SVIL: variants seen among roughly 807,000 people sequenced by gnomAD.
SVIL encodes supervillin, also known as archvillin.
Under a neutral mutation model 240.4 loss-of-function variants are expected in SVIL, and 101 were observed. The ratio of observed to expected loss-of-function variants is 0.42; its 90% CI spans 0.36 to 0.50. The LOEUF is 0.50. Ranked by LOEUF, SVIL falls within the 20% of genes least tolerant of loss-of-function variation. SVIL has a pLI of 0.01. For missense variants in SVIL, 2,512 were observed against 2,818.7 expected, an observed-to-expected ratio of 0.89 and a Z score of 2.46; for synonymous variants, 999 against 1,100.0, an observed-to-expected ratio of 0.91 and a Z score of 1.82.
intron 1 of SVIL, among the ~76,000 whole-genome samples, chr10:29,620,242 A>G (rs937856866): frequency 1.3e-5 from 2 of 152,090 alleles, no homozygotes; most frequent in Non-Finnish European, 2.9e-5. Flanking sequence ...AAACAGAAAG[A>G]GAATAAGAGA....
At chr10:29,478,661 AG>A (rs1178517318) in intron 29 of SVIL, among the ~76,000 whole-genome samples, 1 of 152,002 alleles carries the variant, frequency 6.6e-6, no homozygotes, top group Admixed American at 6.5e-5. Flanking sequence ...TAAGTAGATG[AG>A]GAATGCTGCT....
At chr10:29,582,350 T>C (rs1374814946) in intron 1 of SVIL, among the ~76,000 whole-genome samples, 5 of 152,132 alleles carry the variant, frequency 3.3e-5, no homozygotes, top group East Asian at 1.9e-4. Context: ...GCCCACCACT[T>C]GCCAGAGGCC....
intron 1 of SVIL, among the ~76,000 whole-genome samples, chr10:29,695,026 G>A (rs1961819346): frequency 6.6e-6 from 1 of 152,040 alleles, no homozygotes; most frequent in Non-Finnish European, 1.5e-5. Context: ...GCAGAAATTC[G>A]GCAATTCTAG....
chr10:29,475,509 G>A (rs891392719), intron 29 of SVIL: 1 of 152,208 alleles, frequency 6.6e-6, no homozygotes, highest in Admixed American at 6.5e-5. Flanking sequence ...ACAAAGAGAC[G>A]AGCAAGACAA....
Position 29,471,167 on chromosome 10 carries a change from C to T in SVIL, c.5606G>A (p.Arg1869Lys). ...CACATTTTCTTCTTCCTCTTCCCGC[C>T]TCCCCGAGTGCACCACCATCCCCCC... ...FQGGMVVHSG[R>K]REEEEENVQS... The change falls in exon 31 of 38, where the codon AGG (arginine) becomes AAG (lysine). Residue 1869 changes from arginine (R) to lysine (K), a missense_variant. Physicochemically the swap from Arg to Lys is conservative, Grantham distance 26. Coordinates refer to ENST00000355867, the MANE Select transcript of SVIL (RefSeq NM_021738.3). 1 of 1,613,968 alleles carries T rather than the reference C, an allele frequency of 6.2e-7. No homozygotes were observed. The highest frequency in any genetic ancestry group is 1.7e-5 in the Admixed American group (1 of 59,984).
intron 1 of SVIL, among the ~76,000 whole-genome samples, chr10:29,632,692 A>C (rs774347451): frequency 2.0e-4 from 30 of 152,186 alleles, no homozygotes; most frequent in Non-Finnish European, 4.0e-4. Flanking sequence ...GCATTAACCA[A>C]ATTTCACTTG....
chr10:29,542,276 C>T (rs1472476571), intron 6 of SVIL, among the ~76,000 whole-genome samples: 1 of 152,184 alleles, frequency 6.6e-6, no homozygotes, highest in Non-Finnish European at 1.5e-5. Context: ...TTCTAGGTCA[C>T]TTGAAATTGT....
chr10:29,520,772 C>T (rs1398151887), intron 16 of SVIL, among the ~76,000 whole-genome samples: 1 of 151,982 alleles, frequency 6.6e-6, no homozygotes, highest in Non-Finnish European at 1.5e-5. Flanking sequence ...AAAAATTAGC[C>T]AGGCATGGTG....
intron 1 of SVIL, among the ~76,000 whole-genome samples, chr10:29,603,728 C>T (rs1352711755): frequency 6.6e-6 from 1 of 152,166 alleles, no homozygotes; most frequent in Non-Finnish European, 1.5e-5. Flanking sequence ...GCCGGCCAGA[C>T]TACATTCTGA....
chr10:29,508,570 G>T, intron 17 of SVIL: 1 of 382,188 alleles, frequency 2.6e-6, no homozygotes, highest in Non-Finnish European at 5.2e-6. Flanking sequence ...ATGATCATCT[G>T]GAGTTTAGAG....
rs1045103358 is a variant in SVIL, at chr10:29,579,627, G to A, written c.-200-10315C>T. Among the ~76,000 whole-genome samples, 16 of 152,266 alleles carry A rather than the reference G, an allele frequency of 1.1e-4. No individual in the cohort carries two copies. The East Asian group carries it at 1.5e-3, about 15-fold the overall frequency. On this transcript the variant is annotated intron_variant, in intron 1 of 37. Transcript: ENST00000355867. ...ATTAAACCTTCAGGGACTGTGTAGC[G>A]CAGGTCACAGCGGCAGCTCAGACTT...
At chr10:29,506,264 C>T (rs534607913) in intron 17 of SVIL, among the ~76,000 whole-genome samples, 69 of 152,076 alleles carry the variant, frequency 4.5e-4, no homozygotes, top group African/African-American at 1.6e-3. Flanking sequence ...TTCCCCCGTT[C>T]GTGATGGAAT....
intron 5 of SVIL, among the ~76,000 whole-genome samples, chr10:29,553,105 C>T (rs986330026): frequency 5.4e-5 from 8 of 147,656 alleles, no homozygotes; most frequent in South Asian, 2.2e-4. Flanking sequence ...GGTGTTGAGC[C>T]ACCAAGCCCA....
Position 29,735,220 on chromosome 10 carries a change from C to A in SVIL, c.-400+531G>T, listed in dbSNP as rs1964829442. On this transcript the variant is annotated intron_variant, in intron 1 of 35. Coordinates refer to the SVIL transcript ENST00000375400. The surrounding 1 kb of genome is among the most constrained non-coding windows in gnomAD (Gnocchi z 4.1). ...ACCACGCATCGGGTTCAAACCCGCG[C>A]GGGCCCTGCGGAGGCGCCGGTCTGG... 6.6e-6 allele frequency among the ~76,000 whole-genome samples: 1 copy of A among 152,146 alleles called. No individual in the cohort carries two copies. The highest frequency in any genetic ancestry group is 2.1e-4 in the South Asian group (1 of 4,836).
intron 3 of SVIL, among the ~76,000 whole-genome samples, chr10:29,655,571 A>G (rs1319712010): frequency 6.6e-6 from 1 of 152,168 alleles, no homozygotes; most frequent in East Asian, 1.9e-4. Flanking sequence ...TCAAATGTCA[A>G]TCTCCTCTGG....
At chr10:29,675,182 A>C (rs917658562) in intron 2 of SVIL, among the ~76,000 whole-genome samples, 1 of 152,186 alleles carries the variant, frequency 6.6e-6, no homozygotes, top group Non-Finnish European at 1.5e-5. Context: ...CCCAGTATGA[A>C]GCCTGGCATA....
chr10:29,674,894 C>T (rs537813248), intron 2 of SVIL, among the ~76,000 whole-genome samples: 1 of 152,314 alleles, frequency 6.6e-6, no homozygotes, highest in East Asian at 1.9e-4. Context: ...TGTCCCACGG[C>T]ATCACTCTGA....
intron 1 of SVIL, among the ~76,000 whole-genome samples, chr10:29,621,424 A>C (rs1957635014): frequency 6.6e-6 from 1 of 152,244 alleles, no homozygotes; most frequent in Non-Finnish European, 1.5e-5. Context: ...ACAGATGTGG[A>C]GGCACAGCAG....
At chr10:29,545,092 T>C (rs368719108) in intron 6 of SVIL, 16 of 534,332 alleles carry the variant, frequency 3.0e-5, no homozygotes, top group Non-Finnish European at 6.2e-5. Context: ...TCAAGCACGA[T>C]GCTCTCCTGC....
Sources: allele counts gnomAD v4.1 joint callset (sites outside exome capture counted in the v4.1 genomes callset), GRCh38; gene constraint gnomAD v4.1.1; non-coding constraint Gnocchi (gnomAD v3.1); transcripts MANE v1.5; gene names NCBI Gene and HGNC (gene_info 2026-07-23, HGNC 2026-07-21).